Variants in PLCB1 observed in about 807,000 individuals in gnomAD.
The protein encoded by PLCB1 is 1-phosphatidylinositol 4,5-bisphosphate phosphodiesterase beta-1.
Under a neutral mutation model 161.8 loss-of-function variants are expected in PLCB1, and 46 were observed. The observed-to-expected ratio is 0.28, with a 90% CI of 0.22 to 0.36. The LOEUF is 0.36. PLCB1 is among the 10% of genes least tolerant of loss of function. The pLI is 1.00. For synonymous variants in PLCB1, 517 were observed against 503.7 expected (o/e 1.03, Z -0.35); for missense variants, 1,016 against 1,472.5 (o/e 0.69, Z 5.07).
chr20:8,281,228 G>T lies in PLCB1; in HGVS notation c.178-90154G>T, dbSNP rs539292257. On this transcript the variant is annotated intron_variant, in intron 2 of 31. Transcript: ENST00000338037. ...ATAAAACAGCTTATCAACATTTGCA[G>T]TTGGCAAATAGGTGTGTTTTGGAGA... Among the ~76,000 whole-genome samples, 3 of 152,258 alleles carry T rather than the reference G, an allele frequency of 2.0e-5. No homozygotes were observed. In the East Asian group the frequency reaches 5.8e-4, roughly 29 times the overall value.
At chr20:8,505,347 AC>A (rs1425993710) in intron 3 of PLCB1, among the ~76,000 whole-genome samples, 1 of 152,140 alleles carries the variant, frequency 6.6e-6, no homozygotes, top group Non-Finnish European at 1.5e-5. Context: ...CTCTATCTCA[AC>A]CCACTGTGAC....
chr20:8,474,471 C>T (rs183872227), intron 3 of PLCB1, among the ~76,000 whole-genome samples: 6 of 151,972 alleles, frequency 3.9e-5, no homozygotes, highest in East Asian at 1.9e-4. Context: ...GTCCTTGGAT[C>T]GGAGTGTGCT....
chr20:8,337,910 G>T (rs971317518), intron 2 of PLCB1, among the ~76,000 whole-genome samples: 2 of 152,126 alleles, frequency 1.3e-5, no homozygotes, highest in Admixed American at 6.6e-5. Flanking sequence ...TGAGGTCCTG[G>T]CATCTAAAGT....
chr20:8,286,357 C>T (rs1443544744), intron 2 of PLCB1, among the ~76,000 whole-genome samples: 2 of 152,132 alleles, frequency 1.3e-5, no homozygotes, highest in Admixed American at 1.3e-4. Context: ...TTCTCAGCAC[C>T]AAGTTTACGT....
intron 3 of PLCB1, among the ~76,000 whole-genome samples, chr20:8,540,251 T>C (rs535405436): frequency 6.6e-5 from 10 of 152,292 alleles, no homozygotes; most frequent in African/African-American, 1.9e-4. Flanking sequence ...TATTACTTGA[T>C]ATTCTCTTGC....
chr20:8,842,122 A>G (rs918100113), intron 31 of PLCB1, among the ~76,000 whole-genome samples: 1 of 152,162 alleles, frequency 6.6e-6, no homozygotes, highest in Non-Finnish European at 1.5e-5. Flanking sequence ...TGACCACTGC[A>G]CATGCCATGC....
intron 3 of PLCB1, among the ~76,000 whole-genome samples, chr20:8,477,249 G>T (rs2122733100): frequency 6.6e-6 from 1 of 152,292 alleles, no homozygotes; most frequent in Admixed American, 6.5e-5. Context: ...AATTTTGAGA[G>T]ATGTTGCTAA....
Position 8,372,219 on chromosome 20 carries a change from A to G in PLCB1, c.246+769A>G, listed in dbSNP as rs1986925072. 2 of 152,210 alleles carry G rather than the reference A, an allele frequency of 1.3e-5. 1 individual carries two copies. The highest frequency in any genetic ancestry group is 4.1e-4 in the South Asian group (2 of 4,834). 9.4% of individuals were successfully genotyped at this position (152,210 alleles called of 1,614,324 possible). On this transcript the variant is annotated intron_variant, in intron 3 of 31. Coordinates refer to ENST00000338037, the MANE Select transcript of PLCB1 (RefSeq NM_015192.4). ...AGTACAGTTGCCATTTAGGAGCTCA[A>G]TGCGTCTTTCCATACTTGATATAAA...
chr20:8,543,988 G>T (rs1418209277), intron 3 of PLCB1, among the ~76,000 whole-genome samples: 1 of 152,062 alleles, frequency 6.6e-6, no homozygotes, highest in Non-Finnish European at 1.5e-5. Context: ...TGTGAGAATG[G>T]ACTAATATAC....
At chr20:8,696,428 T>C (rs764978295) in intron 10 of PLCB1, among the ~76,000 whole-genome samples, 10 of 152,230 alleles carry the variant, frequency 6.6e-5, no homozygotes, top group Non-Finnish European at 1.0e-4. Context: ...TTGAGAAGTG[T>C]GATTCCTCCA....
chr20:8,593,348 T>A (rs1469494529), intron 3 of PLCB1, among the ~76,000 whole-genome samples: 2 of 151,434 alleles, frequency 1.3e-5, no homozygotes, highest in African/African-American at 4.9e-5. Flanking sequence ...AATTTGTGTG[T>A]GCGCGTGTGT....
At chr20:8,179,898 G>A (rs376570873) in intron 2 of PLCB1, among the ~76,000 whole-genome samples, 3 of 110,516 alleles carry the variant, frequency 2.7e-5, no homozygotes, top group South Asian at 3.0e-4. Flanking sequence ...CCTCTCTGTC[G>A]CCCAGGCTGG....
intron 3 of PLCB1, among the ~76,000 whole-genome samples, chr20:8,443,364 G>A (rs529362757): frequency 1.3e-5 from 2 of 152,254 alleles, no homozygotes; most frequent in African/African-American, 4.8e-5. Context: ...ATTATTGGCC[G>A]ATGTGGAAGA....
At chr20:8,560,104 T>A (rs1214011508) in intron 3 of PLCB1, among the ~76,000 whole-genome samples, 1 of 152,022 alleles carries the variant, frequency 6.6e-6, no homozygotes, top group Non-Finnish European at 1.5e-5. Context: ...GGGAGGCTGA[T>A]AGAAAATACA....
intron 3 of PLCB1, among the ~76,000 whole-genome samples, chr20:8,482,398 A>G (rs2122748326): frequency 6.6e-6 from 1 of 152,256 alleles, no homozygotes; most frequent in Non-Finnish European, 1.5e-5. Context: ...CACCGTGCCC[A>G]GCCAGAAATT....
chr20:8,789,352 A>G (rs1426136726), intron 29 of PLCB1, among the ~76,000 whole-genome samples, 166 bp from the exon 30 acceptor site: 1 of 152,222 alleles, frequency 6.6e-6, no homozygotes, highest in Non-Finnish European at 1.5e-5. Context: ...GCACTCTACC[A>G]TGGGCAACAG....
chr20:8,315,371 C>T (rs570428689), intron 2 of PLCB1, among the ~76,000 whole-genome samples: 75 of 152,282 alleles, frequency 4.9e-4, no homozygotes, highest in Non-Finnish European at 8.4e-4. Context: ...AGATTTTCTG[C>T]AAAATGTCTC....
intron 3 of PLCB1, among the ~76,000 whole-genome samples, chr20:8,554,848 G>A (rs1053215812): frequency 5.3e-5 from 8 of 152,004 alleles, no homozygotes; most frequent in Admixed American, 1.3e-4. Context: ...GTTAACTCAG[G>A]AGCTAAATTC....
chr20:8,570,800 A>G (rs11907805), intron 3 of PLCB1, among the ~76,000 whole-genome samples: 266 of 152,320 alleles, frequency 1.7e-3, no homozygotes, highest in African/African-American at 6.3e-3. Context: ...TGGAGTAACC[A>G]GGTGTATTTT....
Sources: gnomAD v4.1 joint callset for allele counts (sites outside exome capture counted in the v4.1 genomes callset) on GRCh38, gnomAD v4.1.1 for gene constraint, MANE v1.5 for transcripts, NCBI Gene and HGNC (gene_info 2026-07-23, HGNC 2026-07-21) for gene names.